Variants in ZNF91 observed in about 807,000 individuals in gnomAD.
ZNF91 encodes the protein zinc finger protein 91.
Under a neutral mutation model 12.6 loss-of-function variants are expected in ZNF91, and 7 were observed. The observed-to-expected ratio is 0.55, with a 90% CI of 0.31 to 1.04. The LOEUF (loss-of-function observed/expected upper bound fraction) is 1.04. ZNF91 is among the 50% of genes least tolerant of loss of function. The pLI, the probability that ZNF91 is intolerant of heterozygous loss-of-function variation, is 0.05. For missense variants in ZNF91, 1,217 were observed against 1,385.4 expected (o/e 0.88, Z 1.93); for synonymous variants, 453 against 462.6 (o/e 0.98, Z 0.27).
intron 3 of ZNF91, among the ~76,000 whole-genome samples, chr19:23,369,899 C>T (rs543257955): frequency 6.7e-6 from 1 of 150,342 alleles, no homozygotes; most frequent in East Asian, 2.0e-4. Flanking sequence ...CCTAGGAAAA[C>T]CAGAGACCTT....
chr19:23,377,999 A>C (rs1969567035), intron 1 of ZNF91, among the ~76,000 whole-genome samples: 1 of 152,232 alleles, frequency 6.6e-6, no homozygotes, highest in African/African-American at 2.4e-5. Flanking sequence ...AAATCTAAAT[A>C]TAGACAGATG....
chr19:23,348,062 A>G (rs1442695925), intron 3 of ZNF91, among the ~76,000 whole-genome samples: 3 of 152,150 alleles, frequency 2.0e-5, no homozygotes, highest in African/African-American at 7.2e-5. Flanking sequence ...AGGCATCTCT[A>G]TATCCTTAGG....
At chr19:23,395,267 C>T in intron 1 of ZNF91, 58 bp downstream of exon 1, 1 of 1,599,610 alleles carries the variant, frequency 6.3e-7, no homozygotes, top group African/African-American at 1.3e-5. Context: ...CAGCCGCATC[C>T]CACCGGTTTC....
chr19:23,319,701 C>T (rs1310929738), intron 1 of ZNF91, among the ~76,000 whole-genome samples: 2 of 152,158 alleles, frequency 1.3e-5, no homozygotes, highest in South Asian at 2.1e-4. Context: ...GTCTTGAATA[C>T]GTAGATCATT....
At position 23,374,736 on chromosome 19, in the gene ZNF91, A is replaced by G. The variant is rs760484360; in HGVS notation, c.59T>C (p.Ile20Thr). Residue 20 changes from isoleucine (I) to threonine (T), a missense_variant, in exon 2 of 4, where the codon ATA becomes ACA. Around this residue, in one of 2 missense-constraint regions of ZNF91, gnomAD observed 726 missense variants for 895.5 expected, o/e 0.81. Transcript: ENST00000300619. ...TTGCCACTCCTCCGGAGAGAATTCT[A>G]TGGCCACATCCCTAAATGTCAACAG... Reference protein sequence around the residue: ...MGLLTFRDVAIEFSPEEWQCL... With the variant: ...MGLLTFRDVATEFSPEEWQCL... 6.2e-7 allele frequency: 1 copy of G among 1,612,296 alleles called. No homozygotes were observed. Among genetic ancestry groups the G allele is most frequent in the South Asian group, 1.1e-5 (1 of 91,052 alleles).
chr19:23,376,398 T>G (rs1158856475), intron 1 of ZNF91, among the ~76,000 whole-genome samples: 1 of 152,068 alleles, frequency 6.6e-6, no homozygotes, highest in Non-Finnish European at 1.5e-5. Flanking sequence ...TTTTCTCTTT[T>G]TTTTTGAGAC....
At chr19:23,373,204 A>C (rs1238521468) in intron 3 of ZNF91, among the ~76,000 whole-genome samples, 2 of 152,008 alleles carry the variant, frequency 1.3e-5, no homozygotes, top group Non-Finnish European at 1.5e-5. Context: ...CCGATGCAAA[A>C]CTATTGTTTC....
At chr19:23,390,609 T>C (rs1159043450) in intron 1 of ZNF91, among the ~76,000 whole-genome samples, 1 of 152,196 alleles carries the variant, frequency 6.6e-6, no homozygotes, top group Non-Finnish European at 1.5e-5. Flanking sequence ...CCACCCACCT[T>C]GGCCTCCCAA....
In ZNF91 at chr19:23,360,038, G is replaced by A. The variant is rs1245011325; in HGVS notation, c.2941C>T (p.Leu981Phe). Residue 981 changes from leucine to phenylalanine, a missense_variant, in exon 4 of 4, where the codon CTT becomes TTT. This residue lies in a region of ZNF91 where 491 missense variants were observed against 489.8 expected (regional missense o/e 1.00). Coordinates refer to ENST00000300619, the MANE Select transcript of ZNF91 (RefSeq NM_003430.4). ...CGKAFRKSST[L>F]TEHKIIHTGE... ...GTATGAATTATCTTATGTTCAGTAAGAGTTGAAGATTTCCTAAAAGCTTTG... is the reference window on the plus strand; with the variant it reads ...GTATGAATTATCTTATGTTCAGTAAAAGTTGAAGATTTCCTAAAAGCTTTG... The A allele has an allele frequency of 6.2e-7, 1 of 1,613,244 alleles. No individual in the cohort carries two copies. Among genetic ancestry groups the A allele is most frequent in the African/African-American group, 1.3e-5 (1 of 74,910 alleles).
At chr19:23,356,728 T>C (rs1381487346), downstream of ZNF91, among the ~76,000 whole-genome samples, 1 of 151,548 alleles carries the variant, frequency 6.6e-6, no homozygotes, top group Non-Finnish European at 1.5e-5. Flanking sequence ...AAGTAACTTA[T>C]GGAACAATAA....
chr19:23,314,688 A>G (rs1328588819), upstream of ZNF91, among the ~76,000 whole-genome samples: 11 of 151,888 alleles, frequency 7.2e-5, no homozygotes, highest in African/African-American at 2.7e-4. Flanking sequence ...ATGTTTACAT[A>G]TTTTTGGAAC....
intron 3 of ZNF91, among the ~76,000 whole-genome samples, chr19:23,350,601 TAGAC>T: frequency 6.6e-6 from 1 of 152,092 alleles, no homozygotes; most frequent in African/African-American, 2.4e-5. Flanking sequence ...TATAACCAAA[TAGAC>T]AGGAATGAAA....
rs1458320579 is a variant in ZNF91, at chr19:23,358,713, A to G, written c.*690T>C. 1 of 158,180 alleles carries G rather than the reference A, an allele frequency of 6.3e-6. No homozygotes were observed. Among genetic ancestry groups the G allele is most frequent in the Non-Finnish European group, 1.4e-5 (1 of 71,426 alleles). 9.8% of individuals were successfully genotyped at this position (158,180 alleles called of 1,614,324 possible). ...ATTGTTCACACTGGTAGTTTTCTCC[A>G]GTATGAATTATCTTACCTACGATCA... On this transcript the variant is annotated 3_prime_UTR_variant, in exon 4 of 4. Transcript: ENST00000300619.
At chr19:23,384,293 G>A (rs974570458) in intron 1 of ZNF91, among the ~76,000 whole-genome samples, 9 of 151,950 alleles carry the variant, frequency 5.9e-5, no homozygotes, top group East Asian at 2.0e-4. Flanking sequence ...AACCAATCCC[G>A]GGCTGCAAGG....
chr19:23,393,002 C>G (rs542793441), intron 1 of ZNF91, among the ~76,000 whole-genome samples: 1 of 152,246 alleles, frequency 6.6e-6, no homozygotes, highest in Admixed American at 6.5e-5. Flanking sequence ...GCACATTATA[C>G]TCTGCAAGTT....
intron 1 of ZNF91, among the ~76,000 whole-genome samples, chr19:23,381,423 C>T (rs894256740): frequency 9.3e-5 from 14 of 151,228 alleles, no homozygotes; most frequent in Admixed American, 2.0e-4. Flanking sequence ...CAACACACTC[C>T]ACTTTTCAGT....
At chr19:23,319,637 G>C (rs556998764) in intron 1 of ZNF91, among the ~76,000 whole-genome samples, 1 of 152,308 alleles carries the variant, frequency 6.6e-6, no homozygotes, top group Admixed American at 6.5e-5. Flanking sequence ...TAACAGAAAA[G>C]ATTATGACAC....
chr19:23,369,922 T>C (rs1055182384), intron 3 of ZNF91, among the ~76,000 whole-genome samples: 1 of 150,172 alleles, frequency 6.7e-6, no homozygotes, highest in Non-Finnish European at 1.5e-5. Context: ...TTCACTTGTT[T>C]ATCTGCTGAC....
chr19:23,342,067 T>C, intron 3 of ZNF91: 1 of 328,526 alleles, frequency 3.0e-6, no homozygotes, highest in Non-Finnish European at 5.5e-6. Flanking sequence ...TAGGAAACCT[T>C]TCCATGGAAG....
Sources: gnomAD v4.1 joint callset for allele counts (sites outside exome capture counted in the v4.1 genomes callset) on GRCh38, gnomAD v4.1.1 for gene constraint, gnomAD v4.1.1 regional missense constraint, MANE v1.5 for transcripts, NCBI Gene and HGNC (gene_info 2026-07-23, HGNC 2026-07-21) for gene names.